NELL1: variants seen among roughly 807,000 people sequenced by gnomAD.
NELL1 encodes neural EGFL like 1.
A neutral mutation model predicts 107.4 loss-of-function variants in NELL1; 76 were observed. The observed-to-expected ratio is 0.71, with a 90% CI of 0.59 to 0.86. NELL1 has a LOEUF of 0.86. Ranked by LOEUF, NELL1 falls within the 40% of genes least tolerant of loss-of-function variation. The pLI, the probability that NELL1 is intolerant of heterozygous loss-of-function variation, is 0.00. For synonymous variants in NELL1, 353 were observed against 341.2 expected (o/e 1.03, Z -0.38); for missense variants, 1,024 against 1,005.5 (o/e 1.02, Z -0.25).
chr11:21,296,887 A>G (rs1408437682), intron 14 of NELL1, among the ~76,000 whole-genome samples: 1 of 151,510 alleles, frequency 6.6e-6, no homozygotes, highest in Non-Finnish European at 1.5e-5. Context: ...AATATAGTCC[A>G]TGAAATGATA....
At chr11:20,860,523 A>G (rs1848959932) in intron 4 of NELL1, among the ~76,000 whole-genome samples, 1 of 152,176 alleles carries the variant, frequency 6.6e-6, no homozygotes, top group Non-Finnish European at 1.5e-5. Flanking sequence ...ATTTCTACTC[A>G]GTCCACCTGT....
chr11:21,083,552 G>A (rs1287344145), intron 12 of NELL1, among the ~76,000 whole-genome samples: 1 of 152,026 alleles, frequency 6.6e-6, no homozygotes, highest in Non-Finnish European at 1.5e-5. Context: ...CCTATCACAG[G>A]GTGAGTGGAA....
chr11:20,766,396 A>G (rs144310543), intron 2 of NELL1, among the ~76,000 whole-genome samples: 2 of 152,364 alleles, frequency 1.3e-5, no homozygotes, highest in Non-Finnish European at 2.9e-5. Flanking sequence ...TGGAAAGGAA[A>G]GACACAAGGT....
At chr11:21,119,815 T>C (rs1855323462) in intron 13 of NELL1, among the ~76,000 whole-genome samples, 1 of 152,078 alleles carries the variant, frequency 6.6e-6, no homozygotes, top group African/African-American at 2.4e-5. Flanking sequence ...ACCAGCTTGA[T>C]TTATTGGCCT....
At chr11:21,133,531 C>G (rs1855672100) in intron 13 of NELL1, among the ~76,000 whole-genome samples, 1 of 152,158 alleles carries the variant, frequency 6.6e-6, no homozygotes, top group Non-Finnish European at 1.5e-5. Flanking sequence ...CAGCATCCCT[C>G]TGGCCTCCTT....
At chr11:21,143,148 T>G (rs1984369) in intron 13 of NELL1, among the ~76,000 whole-genome samples, 45,329 of 152,078 alleles carry the variant, frequency 0.3, 7,009 homozygotes, top group Non-Finnish European at 0.34. Context: ...AGTTGCCTTT[T>G]TGTGTTTGTG....
intron 15 of NELL1, among the ~76,000 whole-genome samples, chr11:21,428,232 A>T (rs938983375): frequency 6.6e-6 from 1 of 152,164 alleles, no homozygotes; most frequent in Non-Finnish European, 1.5e-5. Context: ...GAGAGAGAAC[A>T]CACCAAGGCT....
chr11:21,073,548 G>A (rs1854065729), intron 12 of NELL1, among the ~76,000 whole-genome samples: 1 of 152,146 alleles, frequency 6.6e-6, no homozygotes. Flanking sequence ...TTCATGGGTA[G>A]GGCAAGACCT....
intron 9 of NELL1, among the ~76,000 whole-genome samples, chr11:20,934,287 A>G (rs1850677787): frequency 6.6e-6 from 1 of 152,218 alleles, no homozygotes; most frequent in Non-Finnish European, 1.5e-5. Flanking sequence ...AGATAATTTC[A>G]TAGATACATA....
At chr11:21,227,024 C>G (rs929761696) in intron 13 of NELL1, among the ~76,000 whole-genome samples, 2 of 152,178 alleles carry the variant, frequency 1.3e-5, no homozygotes, top group African/African-American at 4.8e-5. Flanking sequence ...GAAGATAAGA[C>G]CTGGTAGGGA....
intron 2 of NELL1, among the ~76,000 whole-genome samples, chr11:20,681,302 T>G (rs575542953): frequency 6.6e-6 from 1 of 152,136 alleles, no homozygotes; most frequent in Non-Finnish European, 1.5e-5. Flanking sequence ...AACACTTTGC[T>G]TGGAAATCTC....
At chr11:21,280,579 G>A (rs1848970110) in intron 14 of NELL1, among the ~76,000 whole-genome samples, 1 of 152,044 alleles carries the variant, frequency 6.6e-6, no homozygotes, top group Non-Finnish European at 1.5e-5. Context: ...ATTCTGCCTT[G>A]TCACAGCAGA....
At chr11:20,921,017 T>C (rs892005900) in intron 7 of NELL1, among the ~76,000 whole-genome samples, 5 of 152,154 alleles carry the variant, frequency 3.3e-5, no homozygotes, top group African/African-American at 1.2e-4. Flanking sequence ...ATTTGAAATC[T>C]ATGATCATCT....
chr11:21,220,349 T>A (rs1372840396), intron 13 of NELL1, among the ~76,000 whole-genome samples: 1 of 152,206 alleles, frequency 6.6e-6, no homozygotes, highest in African/African-American at 2.4e-5. Context: ...ATTTGGGATC[T>A]TTTATGGTTC....
chr11:21,424,259 A>C (rs2133825724), intron 15 of NELL1, among the ~76,000 whole-genome samples: 1 of 152,348 alleles, frequency 6.6e-6, no homozygotes, highest in Admixed American at 6.5e-5. Flanking sequence ...CAAATTACTA[A>C]AATCAGAATT....
chr11:20,706,676 TAA>T (rs563903156), intron 2 of NELL1, among the ~76,000 whole-genome samples: 4 of 147,260 alleles, frequency 2.7e-5, no homozygotes. Context: ...AATAACAAAA[TAA>T]AAAAAAAAGG....
At chr11:21,021,904 T>C (rs769909068) in intron 12 of NELL1, among the ~76,000 whole-genome samples, 6 of 152,104 alleles carry the variant, frequency 3.9e-5, no homozygotes, top group Non-Finnish European at 8.8e-5. Flanking sequence ...GAATACAGTT[T>C]CACCAAATCT....
At chr11:20,895,523 T>TTTG (rs1849715780) in intron 5 of NELL1, among the ~76,000 whole-genome samples, 1 of 144,630 alleles carries the variant, frequency 6.9e-6, no homozygotes. Flanking sequence ...TTTTTTTTTT[T>TTTG]GAGACGGAGT....
intron 12 of NELL1, among the ~76,000 whole-genome samples, chr11:21,112,020 C>A (rs1855118524): frequency 6.6e-6 from 1 of 151,990 alleles, no homozygotes; most frequent in Admixed American, 6.6e-5. Flanking sequence ...TTTTCCATCT[C>A]TTGGATTCCA....
Sources: allele counts gnomAD v4.1 joint callset (sites outside exome capture counted in the v4.1 genomes callset), GRCh38; gene constraint gnomAD v4.1.1; transcripts MANE v1.5; gene names NCBI Gene and HGNC (gene_info 2026-07-23, HGNC 2026-07-21).